Variants in VEGFC observed in about 807,000 individuals in gnomAD.
VEGFC encodes vascular endothelial growth factor C.
VEGFC carries 12 observed loss-of-function variants against 46.1 expected under a neutral mutation model. The ratio of observed to expected loss-of-function variants is 0.26; its 90% CI spans 0.17 to 0.42. The LOEUF (loss-of-function observed/expected upper bound fraction) is 0.42. VEGFC is among the 10% of genes least tolerant of loss of function. The pLI is 1.00. For synonymous variants in VEGFC, 232 were observed against 195.5 expected (o/e 1.19, Z -1.56); for missense variants, 488 against 529.4 (o/e 0.92, Z 0.77).
intron 1 of VEGFC, among the ~76,000 whole-genome samples, chr4:176,773,214 T>G (rs1029997885): frequency 6.6e-6 from 1 of 152,200 alleles, no homozygotes; most frequent in Non-Finnish European, 1.5e-5. Context: ...AGCCATGTTG[T>G]GACCACGAGG....
chr4:176,696,522 G>A (rs1308689013), intron 4 of VEGFC, among the ~76,000 whole-genome samples: 1 of 149,166 alleles, frequency 6.7e-6, no homozygotes, highest in Non-Finnish European at 1.5e-5. Flanking sequence ...ATGCTCATGG[G>A]TAGGAAGAAT....
chr4:176,768,590 G>A (rs941171968), intron 1 of VEGFC, among the ~76,000 whole-genome samples: 1 of 148,546 alleles, frequency 6.7e-6, no homozygotes, highest in African/African-American at 2.5e-5. Flanking sequence ...GGCCCTCCAG[G>A]GGCTGCCAAT....
chr4:176,742,490 T>C (rs535260299), intron 1 of VEGFC, among the ~76,000 whole-genome samples: 42 of 152,128 alleles, frequency 2.8e-4, no homozygotes, highest in African/African-American at 9.6e-4. Flanking sequence ...TGTAGTTCTA[T>C]TTTTAGTTCT....
chr4:176,766,567 A>G (rs1314394798), intron 1 of VEGFC, among the ~76,000 whole-genome samples: 8 of 134,218 alleles, frequency 6.0e-5, no homozygotes, highest in Non-Finnish European at 1.1e-4. Context: ...AGCCTGTGTG[A>G]CAGAATGACA....
intron 4 of VEGFC, among the ~76,000 whole-genome samples, chr4:176,692,076 A>G (rs1734196705): frequency 1.3e-5 from 2 of 152,082 alleles, no homozygotes; most frequent in African/African-American, 2.4e-5. Context: ...CCACCCGAAT[A>G]CTGCGCTTTT....
At chr4:176,690,522 G>GTC (rs1185998163) in intron 4 of VEGFC, among the ~76,000 whole-genome samples, 1 of 151,970 alleles carries the variant, frequency 6.6e-6, no homozygotes, top group Non-Finnish European at 1.5e-5. Context: ...CCAAGGGCAA[G>GTC]TCTCTACTCA....
intron 3 of VEGFC, among the ~76,000 whole-genome samples, chr4:176,718,376 A>G (rs981360706): frequency 1.3e-5 from 2 of 152,148 alleles, no homozygotes; most frequent in Non-Finnish European, 2.9e-5. Flanking sequence ...GCAGTGCAAA[A>G]TAATACCTCT....
Position 176,711,659 on chromosome 4 carries a change from A to C in VEGFC, c.553-9T>G. 1 of 1,611,026 alleles carries C rather than the reference A, an allele frequency of 6.2e-7. No homozygotes were observed. The highest frequency in any genetic ancestry group is 8.5e-7 in the Non-Finnish European group (1 of 1,178,934). On this transcript the variant is annotated splice_polypyrimidine_tract_variant and intron_variant, in intron 3 of 6. Coordinates refer to ENST00000618562, the MANE Select transcript of VEGFC (RefSeq NM_005429.5). ...ACTGTAATTTCAAATAACTACAAAG[A>C]AGGGACAAAAAGAAGAAAAAATTAT...
intron 3 of VEGFC, 89 bp from the exon 4 acceptor site, chr4:176,711,739 AT>A: frequency 7.4e-7 from 1 of 1,346,314 alleles, no homozygotes; most frequent in Middle Eastern, 1.9e-4. Context: ...AAAGAGTGAG[AT>A]TAGCTCTATA....
rs547275908 is a variant in VEGFC at position 176,724,890 on chromosome 4, A to G, written c.552+2888T>C. Among the ~76,000 whole-genome samples the G allele has an allele frequency of 1.3e-3, 191 of 152,244 alleles. 1 individual carries two copies. The highest frequency in any genetic ancestry group is 1.7e-3 in the Non-Finnish European group (117 of 68,018). On this transcript the variant is annotated intron_variant, in intron 3 of 6. Coordinates refer to ENST00000618562, the MANE Select transcript of VEGFC (RefSeq NM_005429.5). The stretch of plus-strand genomic sequence containing the variant: ...TGGATCTCATGGAAGTAGAGAGAAG[A>G]ATACTGATTATCAGAGGCTGGGAGG...
chr4:176,709,416 T>G (rs999725186), intron 4 of VEGFC, among the ~76,000 whole-genome samples: 4 of 152,206 alleles, frequency 2.6e-5, no homozygotes, highest in Admixed American at 1.3e-4. Context: ...CATGCAACAT[T>G]TGCAGACCCT....
intron 3 of VEGFC, among the ~76,000 whole-genome samples, chr4:176,723,885 A>G (rs1734832156): frequency 6.7e-6 from 1 of 149,034 alleles, no homozygotes; most frequent in African/African-American, 2.5e-5. Context: ...TTACATAGGT[A>G]AACTTTTATT....
chr4:176,707,915 G>C (rs1164965952), intron 4 of VEGFC, among the ~76,000 whole-genome samples: 1 of 151,904 alleles, frequency 6.6e-6, no homozygotes, highest in Non-Finnish European at 1.5e-5. Flanking sequence ...TTGGTCCTTG[G>C]TGTTTTCATG....
At chr4:176,700,753 A>C (rs560285044) in intron 4 of VEGFC, among the ~76,000 whole-genome samples, 1 of 152,336 alleles carries the variant, frequency 6.6e-6, no homozygotes, top group Non-Finnish European at 1.5e-5. Context: ...TCAGCTTGTC[A>C]CATAATTCAA....
At chr4:176,710,538 T>C (rs1207904834) in intron 4 of VEGFC, among the ~76,000 whole-genome samples, 1 of 152,182 alleles carries the variant, frequency 6.6e-6, no homozygotes, top group Non-Finnish European at 1.5e-5. Flanking sequence ...ACAACGTGAT[T>C]CAGTGGGGAA....
At chr4:176,724,713 T>C (rs1266088911) in intron 3 of VEGFC, among the ~76,000 whole-genome samples, 2 of 152,054 alleles carry the variant, frequency 1.3e-5, no homozygotes, top group East Asian at 1.9e-4. Flanking sequence ...TGCCCAGGAA[T>C]TGGAGAAAGT....
At chr4:176,754,711 C>CA (rs1310516396) in intron 1 of VEGFC, among the ~76,000 whole-genome samples, 2 of 152,026 alleles carry the variant, frequency 1.3e-5, no homozygotes, top group East Asian at 3.9e-4. Context: ...ATGTAGGTAA[C>CA]AAGTCCACAG....
At chr4:176,786,311 C>T (rs531779981) in intron 1 of VEGFC, among the ~76,000 whole-genome samples, 1 of 152,354 alleles carries the variant, frequency 6.6e-6, no homozygotes, top group South Asian at 2.1e-4. Flanking sequence ...TTCAGTTTCC[C>T]TTAAAGCTCT....
rs1369028243 is a variant in VEGFC at position 176,689,246 on chromosome 4, T to C, written c.705-1319A>G. On this transcript the variant is annotated intron_variant, in intron 4 of 6. Coordinates refer to ENST00000618562, the MANE Select transcript of VEGFC (RefSeq NM_005429.5). ...AATCCTATGTAGCCATCTTAACATG[T>C]GCATTGAGTATAAACAAACAGGCCA... The C allele has an allele frequency of 2.6e-5, 4 of 152,330 alleles. No homozygotes were observed. In the East Asian group the frequency reaches 7.7e-4, roughly 29 times the overall value. 9.4% of individuals were successfully genotyped at this position (152,330 alleles called of 1,614,324 possible). A position where few individuals can be genotyped will look rare whatever the true frequency, so the allele number is the denominator to read the frequency against.
Sources: gnomAD v4.1 joint callset for allele counts (sites outside exome capture counted in the v4.1 genomes callset) on GRCh38, gnomAD v4.1.1 for gene constraint, MANE v1.5 for transcripts, NCBI Gene and HGNC (gene_info 2026-07-23, HGNC 2026-07-21) for gene names.